Variants in NCKAP5 observed in about 807,000 individuals in gnomAD.
The protein encoded by NCKAP5 is nck-associated protein 5.
Under a neutral mutation model 167.0 loss-of-function variants are expected in NCKAP5, and 92 were observed. The observed-to-expected ratio is 0.55, with a 90% CI of 0.47 to 0.66. NCKAP5 has a LOEUF of 0.66. NCKAP5 is among the 30% of genes least tolerant of loss of function. The pLI, the probability that NCKAP5 is intolerant of heterozygous loss-of-function variation, is 0.00. For missense variants in NCKAP5, 2,378 were observed against 2,315.0 expected (o/e 1.03, Z -0.56); for synonymous variants, 891 against 877.4 (o/e 1.02, Z -0.27).
rs2083270924 is a variant in NCKAP5 at position 133,148,304 on chromosome 2, A to G, written c.208-18193T>C. Among the ~76,000 whole-genome samples, 4 of 152,128 alleles carry G rather than the reference A, an allele frequency of 2.6e-5. No individual in the cohort carries two copies. In the South Asian group the frequency reaches 6.2e-4, roughly 24 times the overall value. On this transcript the variant is annotated intron_variant, in intron 5 of 19. Transcript: ENST00000409261. ...AAGCCAGTATATGGTACAGCTTCACATTGCAGTGCTTATGCAAATGAAGCA... is the reference window on the plus strand; with the variant it reads ...AAGCCAGTATATGGTACAGCTTCACGTTGCAGTGCTTATGCAAATGAAGCA...
intron 3 of NCKAP5, among the ~76,000 whole-genome samples, chr2:133,365,787 T>A (rs1685420364): frequency 6.6e-6 from 1 of 152,226 alleles, no homozygotes; most frequent in Non-Finnish European, 1.5e-5. Flanking sequence ...TCTATAAGTT[T>A]CCTGGATTTC....
rs371893701 is a variant in NCKAP5 at position 132,792,958 on chromosome 2, T to C, written c.910-2753A>G. On this transcript the variant is annotated intron_variant, in intron 12 of 19. Coordinates refer to ENST00000409261, the MANE Select transcript of NCKAP5 (RefSeq NM_207363.3). ...GAAGATGGGCTGGAGTGAGAAGGAATTGCTGCTTCTCCCTTGGCCTTGAAC... is the reference window on the plus strand; with the variant it reads ...GAAGATGGGCTGGAGTGAGAAGGAACTGCTGCTTCTCCCTTGGCCTTGAAC... 1.1e-4 allele frequency among the ~76,000 whole-genome samples: 16 copies of C among 152,302 alleles called. No homozygotes were observed. In the East Asian group the frequency reaches 2.9e-3, roughly 28 times the overall value.
chr2:133,171,417 G>C (rs889006812), intron 5 of NCKAP5, among the ~76,000 whole-genome samples: 5 of 152,082 alleles, frequency 3.3e-5, no homozygotes, highest in African/African-American at 1.2e-4. Flanking sequence ...CTTTATTACA[G>C]GGCTGAATGC....
intron 19 of NCKAP5, among the ~76,000 whole-genome samples, chr2:132,680,722 TC>T (rs1368665639): frequency 6.6e-6 from 1 of 152,052 alleles, no homozygotes; most frequent in Non-Finnish European, 1.5e-5. Flanking sequence ...GGAGGGGATG[TC>T]CCTTAGTAGG....
intron 16 of NCKAP5, among the ~76,000 whole-genome samples, chr2:132,771,185 G>C (rs1341772496): frequency 6.6e-6 from 1 of 152,126 alleles, no homozygotes; most frequent in African/African-American, 2.4e-5. Flanking sequence ...GTGTGTTATT[G>C]CTTCTGAAGA....
At chr2:132,673,977 A>C (rs1684094136) in intron 19 of NCKAP5, among the ~76,000 whole-genome samples, 1 of 152,170 alleles carries the variant, frequency 6.6e-6, no homozygotes, top group Non-Finnish European at 1.5e-5. Context: ...AATACCCTGT[A>C]TGATGTATAA....
intron 12 of NCKAP5, among the ~76,000 whole-genome samples, chr2:132,794,533 G>A (rs1684416059): frequency 6.6e-6 from 1 of 151,660 alleles, no homozygotes; most frequent in African/African-American, 2.4e-5. Context: ...CTACCTGGGA[G>A]GCTGAGGCAG....
At chr2:132,768,938 C>CG (rs1192049947) in intron 16 of NCKAP5, among the ~76,000 whole-genome samples, 1 of 139,900 alleles carries the variant, frequency 7.1e-6, no homozygotes, top group East Asian at 2.1e-4. Flanking sequence ...CACACCTGGC[C>CG]CTTTTTTTTT....
intron 3 of NCKAP5, among the ~76,000 whole-genome samples, chr2:133,470,827 C>T (rs943831197): frequency 7.9e-5 from 12 of 152,246 alleles, no homozygotes; most frequent in Admixed American, 3.3e-4. Flanking sequence ...CTCCCTGACC[C>T]CTTGCGCTTC....
intron 8 of NCKAP5, among the ~76,000 whole-genome samples, chr2:132,956,103 C>T (rs528861712): frequency 6.6e-6 from 1 of 152,190 alleles, no homozygotes; most frequent in South Asian, 2.1e-4. Context: ...GTTCTCACCA[C>T]AAAAAATGTT....
chr2:133,071,584 T>G (rs1442902187), intron 6 of NCKAP5, among the ~76,000 whole-genome samples: 1 of 152,180 alleles, frequency 6.6e-6, no homozygotes, highest in East Asian at 1.9e-4. Flanking sequence ...CCAGAGAAAA[T>G]TCATGCAGCT....
intron 4 of NCKAP5, among the ~76,000 whole-genome samples, chr2:133,245,082 G>T (rs905768738): frequency 1.3e-5 from 2 of 152,126 alleles, no homozygotes; most frequent in Admixed American, 1.3e-4. Context: ...CTGCTGGTGG[G>T]AGTGTAAACT....
chr2:132,951,829 T>C (rs2076198160), intron 8 of NCKAP5, among the ~76,000 whole-genome samples: 1 of 152,198 alleles, frequency 6.6e-6, no homozygotes, highest in African/African-American at 2.4e-5. Flanking sequence ...GGACTGCTCA[T>C]CAATCATACT....
At chr2:133,127,987 G>A (rs562278071) in intron 6 of NCKAP5, among the ~76,000 whole-genome samples, 1,741 of 152,278 alleles carry the variant, frequency 0.011, 18 homozygotes, top group Non-Finnish European at 0.018. Context: ...CCACACAGGA[G>A]TCATCCATCC....
chr2:133,397,652 G>A (rs1687817119), intron 3 of NCKAP5, among the ~76,000 whole-genome samples: 1 of 152,188 alleles, frequency 6.6e-6, no homozygotes, highest in South Asian at 2.1e-4. Flanking sequence ...TATTAAGCAG[G>A]TTGTAGAGTG....
Position 132,853,834 on chromosome 2 carries a change from A to G in NCKAP5, c.807+6658T>C, listed in dbSNP as rs193039317. ...ACAAAACACCTGAAACTCATTTAAA[A>G]GGAGAGATAATTTCCCCTAATTATC... On this transcript the variant is annotated intron_variant, in intron 11 of 19. Coordinates refer to ENST00000409261, the MANE Select transcript of NCKAP5 (RefSeq NM_207363.3). 4.9e-4 allele frequency among the ~76,000 whole-genome samples: 74 copies of G among 152,366 alleles called. 1 individual carries two copies. In the East Asian group the frequency reaches 0.011, roughly 22 times the overall value.
intron 15 of NCKAP5, among the ~76,000 whole-genome samples, chr2:132,777,323 CAG>C (rs1049342201): frequency 7.2e-5 from 11 of 152,110 alleles, no homozygotes; most frequent in Non-Finnish European, 1.6e-4. Flanking sequence ...ACAAGAGACA[CAG>C]GGGGAAAAGG....
chr2:133,032,544 C>T (rs1199667851), intron 6 of NCKAP5, among the ~76,000 whole-genome samples: 1 of 152,132 alleles, frequency 6.6e-6, no homozygotes, highest in South Asian at 2.1e-4. Flanking sequence ...ACCTCACCAC[C>T]CTGCAGGGAA....
At chr2:132,762,370 C>A (rs979482666) in intron 16 of NCKAP5, among the ~76,000 whole-genome samples, 11 of 152,214 alleles carry the variant, frequency 7.2e-5, no homozygotes, top group African/African-American at 2.4e-4. Flanking sequence ...CTCACCTACT[C>A]CTTACTATGC....
Sources: gnomAD v4.1 joint callset for allele counts (sites outside exome capture counted in the v4.1 genomes callset) on GRCh38, gnomAD v4.1.1 for gene constraint, MANE v1.5 for transcripts, NCBI Gene and HGNC (gene_info 2026-07-23, HGNC 2026-07-21) for gene names.